The following COL19A1 variants were observed in gnomAD, a reference collection of about 807,000 sequenced individuals.
COL19A1 encodes collagen type XIX alpha 1 chain, also known as collagen alpha-1(XIX) chain.
A neutral mutation model predicts 190.2 loss-of-function variants in COL19A1; 159 were observed. The observed-to-expected ratio is 0.84, with a 90% CI of 0.73 to 0.95. COL19A1 has a LOEUF of 0.95. Among genes scored for constraint, COL19A1 ranks in the 40% least tolerant of loss-of-function variants. The probability of loss-of-function intolerance (pLI) is 0.00; values close to 1 mark genes in which losing one functional copy is unlikely to be tolerated. For synonymous variants in COL19A1, 509 were observed against 458.9 expected, an observed-to-expected ratio of 1.11 and a Z score of -1.39; for missense variants, 1,418 against 1,431.9, an observed-to-expected ratio of 0.99 and a Z score of 0.16.
Position 70,036,964 on chromosome 6 carries a change from A to G in COL19A1, c.1170+1025A>G, listed in dbSNP as rs1336347592. 2.6e-5 allele frequency among the ~76,000 whole-genome samples: 4 copies of G among 152,164 alleles called. No individual in the cohort carries two copies. The East Asian group carries it at 7.7e-4, about 29-fold the overall frequency. On this transcript the variant is annotated intron_variant, in intron 14 of 50. Transcript: ENST00000620364. ...TACACAAATAATTGTTACAACTCCC[A>G]CATAAACAAATGTTTTTTGATATGT...
chr6:70,188,475 T>C (rs567697787), intron 47 of COL19A1, among the ~76,000 whole-genome samples: 25 of 152,256 alleles, frequency 1.6e-4, no homozygotes, highest in African/African-American at 4.8e-4. Flanking sequence ...TGGTGTCCTT[T>C]TCAGCCCAGT....
chr6:70,019,643 G>A (rs1211402469), intron 11 of COL19A1, among the ~76,000 whole-genome samples: 2 of 151,864 alleles, frequency 1.3e-5, no homozygotes, highest in African/African-American at 2.4e-5. Flanking sequence ...TTTTTCCTTT[G>A]GTTAGGATTT....
At position 70,102,238 on chromosome 6, in the gene COL19A1, A is replaced by G. The variant is rs1157379703; in HGVS notation, c.1278+16A>G. ...AGGACCACCTGTGAGTAAACAATACAATGACTGTCCCTTTAAAGAGTCTGT... is the reference window on the plus strand; with the variant it reads ...AGGACCACCTGTGAGTAAACAATACGATGACTGTCCCTTTAAAGAGTCTGT... On this transcript the variant is annotated intron_variant, in intron 16 of 50. Transcript: ENST00000620364. 5 of 1,576,194 alleles carry G rather than the reference A, an allele frequency of 3.2e-6. No individual in the cohort carries two copies. The African/African-American group carries it at 5.4e-5, about 17-fold the overall frequency.
chr6:70,188,479 GC>G (rs1418844157), intron 47 of COL19A1, among the ~76,000 whole-genome samples: 5 of 150,236 alleles, frequency 3.3e-5, no homozygotes, highest in African/African-American at 1.0e-4. Flanking sequence ...GTCCTTTTCA[GC>G]CCAGTTTTAT....
intron 9 of COL19A1, 107 bp from the exon 10 acceptor site, chr6:69,959,889 A>C: frequency 1.1e-6 from 1 of 901,690 alleles, no homozygotes. Context: ...ATTCAGTATT[A>C]GGCTACCTTT....
intron 9 of COL19A1, among the ~76,000 whole-genome samples, chr6:69,959,414 T>A (rs1774634583): frequency 6.6e-6 from 1 of 151,842 alleles, no homozygotes; most frequent in Admixed American, 6.6e-5. Flanking sequence ...TGAGAAAAAA[T>A]TCCGATTTTA....
intron 48 of COL19A1, among the ~76,000 whole-genome samples, chr6:70,192,589 G>GAA (rs35944407): frequency 1.3e-5 from 2 of 151,472 alleles, no homozygotes; most frequent in African/African-American, 2.4e-5. Context: ...CAGGAAGTTT[G>GAA]AAAAAAAGGC....
rs931209357 is a variant in COL19A1 at position 70,212,382 on chromosome 6, T to C, written c.*5108T>C. On this transcript the variant is annotated 3_prime_UTR_variant, in exon 51 of 51. Coordinates refer to ENST00000620364, the MANE Select transcript of COL19A1 (RefSeq NM_001858.6). ...AAAATCCCACATGGGCATAATGCTT[T>C]GAGGCCTTGATTCCTACATGTTCAT... Among the ~76,000 whole-genome samples the C allele has an allele frequency of 2.0e-5, 3 of 152,230 alleles. No homozygotes were observed. Among genetic ancestry groups the C allele is most frequent in the African/African-American group, 7.2e-5 (3 of 41,466 alleles).
Position 69,907,111 on chromosome 6 carries a change from T to TA in COL19A1, c.266+6773_266+6774insA, listed in dbSNP as rs1561983617. Among the ~76,000 whole-genome samples the TA allele has an allele frequency of 2.0e-3, 271 of 138,388 alleles. 3 individuals carry two copies. The East Asian group carries it at 0.032, about 16-fold the overall frequency. The allele number at this position is 138,388 out of a possible 152,430, so 90.8% of individuals were successfully genotyped here. ...CTTCAGATTATTATTATTATTATTT[T>TA]TTTTTTTTTTTTTTTTTGAGACGGA... On this transcript the variant is annotated intron_variant, in intron 4 of 50. Coordinates refer to ENST00000620364, the MANE Select transcript of COL19A1 (RefSeq NM_001858.6).
At chr6:70,028,687 AG>A (rs1778857795) in intron 12 of COL19A1, among the ~76,000 whole-genome samples, 1 of 152,138 alleles carries the variant, frequency 6.6e-6, no homozygotes. Context: ...GCAGCTTCTA[AG>A]GCTTTTCAAT....
intron 14 of COL19A1, among the ~76,000 whole-genome samples, chr6:70,067,890 A>C (rs1052173516): frequency 2.0e-5 from 3 of 152,052 alleles, no homozygotes; most frequent in Non-Finnish European, 4.4e-5. Flanking sequence ...TGAAAAAAAA[A>C]GAATGTTTAT....
Position 70,090,293 on chromosome 6 carries a change from A to G in COL19A1, c.1225-11876A>G, listed in dbSNP as rs565711240. 7.2e-5 allele frequency among the ~76,000 whole-genome samples: 11 copies of G among 152,328 alleles called. No individual in the cohort carries two copies. The South Asian group carries it at 2.3e-3, about 32-fold the overall frequency. On this transcript the variant is annotated intron_variant, in intron 15 of 50. Coordinates refer to ENST00000620364, the MANE Select transcript of COL19A1 (RefSeq NM_001858.6). ...ACCAACCATGGATTGAAAATATTTG[A>G]AAAGAAAATATGGTTACATCTTACT...
At chr6:70,170,823 A>C (rs1347637925) in intron 40 of COL19A1, among the ~76,000 whole-genome samples, 1 of 152,192 alleles carries the variant, frequency 6.6e-6, no homozygotes, top group Non-Finnish European at 1.5e-5. Context: ...CAATGTTATA[A>C]ATAATAATGA....
intron 14 of COL19A1, among the ~76,000 whole-genome samples, chr6:70,043,622 C>G (rs928036449): frequency 6.6e-6 from 1 of 152,194 alleles, no homozygotes; most frequent in African/African-American, 2.4e-5. Flanking sequence ...CATCAGAGCC[C>G]TTGGGTTACC....
intron 11 of COL19A1, among the ~76,000 whole-genome samples, chr6:69,982,062 A>G (rs924022969): frequency 3.3e-5 from 5 of 152,208 alleles, no homozygotes; most frequent in African/African-American, 1.2e-4. Context: ...TAGCAATGAC[A>G]ATGTGAGGAT....
intron 11 of COL19A1, among the ~76,000 whole-genome samples, chr6:70,016,366 TAAAAAAAAAAA>T (rs752043571): frequency 5.3e-5 from 2 of 37,648 alleles, no homozygotes; most frequent in African/African-American, 2.8e-4. Context: ...TAGAGTATAA[TAAAAAAAAAAA>T]AAAAAAACAC....
intron 9 of COL19A1, among the ~76,000 whole-genome samples, chr6:69,939,821 T>C (rs1773351858): frequency 6.6e-6 from 1 of 152,134 alleles, no homozygotes; most frequent in Non-Finnish European, 1.5e-5. Flanking sequence ...AGACTCTCCA[T>C]ACATAAGTTT....
intron 2 of COL19A1, among the ~76,000 whole-genome samples, chr6:69,892,750 C>T (rs911110011): frequency 2.0e-5 from 3 of 152,180 alleles, no homozygotes; most frequent in Non-Finnish European, 4.4e-5. Context: ...GAACCCTGTA[C>T]AGGAACTGTG....
chr6:70,090,931 C>T (rs991536703), intron 15 of COL19A1, among the ~76,000 whole-genome samples: 1 of 152,154 alleles, frequency 6.6e-6, no homozygotes, highest in South Asian at 2.1e-4. Flanking sequence ...TACTGGACAG[C>T]TTTCCCTGGA....
Sources: gnomAD v4.1 joint callset for allele counts (sites outside exome capture counted in the v4.1 genomes callset) on GRCh38, gnomAD v4.1.1 for gene constraint, MANE v1.5 for transcripts, NCBI Gene and HGNC (gene_info 2026-07-23, HGNC 2026-07-21) for gene names.